Variants in ASAP1 observed in about 807,000 individuals in gnomAD.
The protein encoded by ASAP1 is arf-GAP with SH3 domain, ANK repeat and PH domain-containing protein 1.
In ASAP1, 43 loss-of-function variants were observed where a neutral mutation model predicts 145.2. The observed-to-expected ratio is 0.30, with a 90% CI of 0.23 to 0.38. The LOEUF (loss-of-function observed/expected upper bound fraction) is 0.38, where lower values mean the gene tolerates loss of function less well. Ranked by LOEUF, ASAP1 falls within the 10% of genes least tolerant of loss-of-function variation. ASAP1 has a pLI of 1.00. For missense variants in ASAP1, 1,018 were observed against 1,355.3 expected (o/e 0.75, Z 3.91); for synonymous variants, 546 against 515.5 (o/e 1.06, Z -0.80).
At chr8:130,134,271 G>T in intron 15 of ASAP1, 25 bp downstream of exon 15, 1 of 1,543,266 alleles carries the variant, frequency 6.5e-7, no homozygotes, top group Non-Finnish European at 8.8e-7. Context: ...CCAAGGCATC[G>T]CACCTTTATT....
At chr8:130,236,381 G>A (rs1310926847) in intron 4 of ASAP1, among the ~76,000 whole-genome samples, 3 of 151,640 alleles carry the variant, frequency 2.0e-5, no homozygotes, top group Non-Finnish European at 2.9e-5. Flanking sequence ...TTGCCTCCAA[G>A]GTGACAAAGT....
At position 130,358,190 on chromosome 8, in the gene ASAP1, G is replaced by A. The variant is rs1264626027; in HGVS notation, c.60-47C>T. The A allele has an allele frequency of 6.5e-7, 1 of 1,546,202 alleles. No individual in the cohort carries two copies. Among genetic ancestry groups the A allele is most frequent in the South Asian group, 1.1e-5 (1 of 87,494 alleles). ...AAGCGGGGGCGGGGGGTGAGTCACGGCGCAGGCTCCCGGGGCCGCGGGCCG... is the reference window on the plus strand; with the variant it reads ...AAGCGGGGGCGGGGGGTGAGTCACGACGCAGGCTCCCGGGGCCGCGGGCCG... On this transcript the variant is annotated intron_variant, in intron 2 of 29. Coordinates refer to ENST00000518721, the MANE Select transcript of ASAP1 (RefSeq NM_018482.4). The surrounding 1 kb of genome is among the most constrained non-coding windows in gnomAD (Gnocchi z 4.1).
intron 6 of ASAP1, among the ~76,000 whole-genome samples, chr8:130,187,908 G>C (rs183978760): frequency 9.9e-4 from 150 of 152,220 alleles, no homozygotes; most frequent in African/African-American, 3.4e-3. Context: ...CAATCTTCTT[G>C]AAAGTGCCTA....
At chr8:130,439,062 T>C (rs1455026251) in intron 1 of ASAP1, among the ~76,000 whole-genome samples, 4 of 152,220 alleles carry the variant, frequency 2.6e-5, no homozygotes, top group Non-Finnish European at 5.9e-5. Flanking sequence ...GCCTAGATTA[T>C]ACAGGTGGCC....
At chr8:130,123,719 C>T (rs1053802207) in intron 18 of ASAP1, among the ~76,000 whole-genome samples, 4 of 152,068 alleles carry the variant, frequency 2.6e-5, no homozygotes, top group Admixed American at 6.5e-5. Context: ...CTCCGCCTCC[C>T]GGGTTCATGC....
chr8:130,072,851 A>G (rs2097452645), intron 27 of ASAP1, among the ~76,000 whole-genome samples: 3 of 38,976 alleles, frequency 7.7e-5, no homozygotes, highest in Admixed American at 3.2e-4. Flanking sequence ...AGTTTTGGGG[A>G]CTGAGCTCTC....
chr8:130,122,123 C>G (rs2097567250), intron 18 of ASAP1, among the ~76,000 whole-genome samples: 1 of 152,124 alleles, frequency 6.6e-6, no homozygotes, highest in South Asian at 2.1e-4. Flanking sequence ...CCACCTTCAA[C>G]TTGAAAAAAA....
intron 3 of ASAP1, among the ~76,000 whole-genome samples, chr8:130,333,887 C>A (rs781689626): frequency 1.3e-5 from 2 of 152,214 alleles, no homozygotes; most frequent in Non-Finnish European, 2.9e-5. Context: ...AGACTCACAG[C>A]CATCAGGGAA....
Position 130,358,614 on chromosome 8 carries a change from C to G in ASAP1, c.60-471G>C, listed in dbSNP as rs1378938806. On this transcript the variant is annotated intron_variant, in intron 2 of 29. Coordinates refer to ENST00000518721, the MANE Select transcript of ASAP1 (RefSeq NM_018482.4). This position sits in a 1 kb window ranked among gnomAD's most constrained non-coding sequence, Gnocchi z 4.1. ...ACTGACTGAGCGCACACTCCCGCGG[C>G]GGGCGGGCGGGCGGGCGGCGCTCGC... Among the ~76,000 whole-genome samples the G allele has an allele frequency of 2.1e-5, 3 of 145,244 alleles. No individual in the cohort carries two copies. The highest frequency in any genetic ancestry group is 7.5e-5 in the African/African-American group (3 of 40,246).
chr8:130,258,578 C>T (rs1306337779), intron 3 of ASAP1, among the ~76,000 whole-genome samples: 2 of 152,286 alleles, frequency 1.3e-5, no homozygotes, highest in East Asian at 3.9e-4. Context: ...GGCTCTACCT[C>T]GGAAGGGCTC....
chr8:130,078,556 G>A (rs1212301975), intron 26 of ASAP1, among the ~76,000 whole-genome samples: 1 of 152,134 alleles, frequency 6.6e-6, no homozygotes, highest in Admixed American at 6.5e-5. Flanking sequence ...AAAGTGCTGG[G>A]ATTACAGGTG....
chr8:130,086,922 A>C (rs900505633), intron 25 of ASAP1, among the ~76,000 whole-genome samples: 1 of 152,064 alleles, frequency 6.6e-6, no homozygotes, highest in African/African-American at 2.4e-5. Flanking sequence ...AAAGGTTATG[A>C]TCTCTGGCCC....
At chr8:130,214,502 C>T (rs762716771) in intron 5 of ASAP1, 54 bp downstream of exon 5, 50 of 1,493,466 alleles carry the variant, frequency 3.3e-5, no homozygotes, top group East Asian at 6.9e-5. Flanking sequence ...CTCTATATGA[C>T]GTAATATTTT....
chr8:130,148,963 A>G (rs2097639712), intron 13 of ASAP1, among the ~76,000 whole-genome samples: 1 of 151,254 alleles, frequency 6.6e-6, no homozygotes, highest in African/African-American at 2.4e-5. Flanking sequence ...CAGCCTCCCA[A>G]GTAGCTGGGA....
intron 1 of ASAP1, among the ~76,000 whole-genome samples, chr8:130,427,189 C>T (rs942679055): frequency 6.6e-6 from 1 of 152,172 alleles, no homozygotes; most frequent in Non-Finnish European, 1.5e-5. Flanking sequence ...AGCTGAGAAG[C>T]CTTTACCTGC....
intron 3 of ASAP1, among the ~76,000 whole-genome samples, chr8:130,352,023 T>A (rs976859918): frequency 2.6e-5 from 4 of 152,232 alleles, no homozygotes; most frequent in Admixed American, 2.0e-4. Flanking sequence ...AACCTCATCC[T>A]AAGTACCTCC....
chr8:130,341,480 T>A (rs1825379480), intron 3 of ASAP1, among the ~76,000 whole-genome samples: 1 of 152,190 alleles, frequency 6.6e-6, no homozygotes, highest in African/African-American at 2.4e-5. Context: ...CAGTAAAACC[T>A]GGGACAGAAA....
At chr8:130,232,763 T>C (rs1324878204) in intron 4 of ASAP1, among the ~76,000 whole-genome samples, 1 of 152,210 alleles carries the variant, frequency 6.6e-6, no homozygotes, top group East Asian at 1.9e-4. Context: ...GGAAGCTGAG[T>C]GATTGGTAAT....
intron 27 of ASAP1, among the ~76,000 whole-genome samples, chr8:130,068,394 A>G (rs2097434729): frequency 6.6e-6 from 1 of 152,226 alleles, no homozygotes; most frequent in South Asian, 2.1e-4. Flanking sequence ...AAGGTAGTCA[A>G]TGTGAAGGAG....
Sources: allele counts gnomAD v4.1 joint callset (sites outside exome capture counted in the v4.1 genomes callset), GRCh38; gene constraint gnomAD v4.1.1; non-coding constraint Gnocchi (gnomAD v3.1); transcripts MANE v1.5; gene names NCBI Gene and HGNC (gene_info 2026-07-23, HGNC 2026-07-21).